The following MAML2 variants were observed in gnomAD, a reference collection of about 807,000 sequenced individuals.
The protein encoded by MAML2 is mastermind like transcriptional coactivator 2, also known as mastermind-like protein 2.
MAML2 carries 22 observed loss-of-function variants against 96.1 expected under a neutral mutation model. That is an observed-to-expected ratio of 0.23 (90% CI 0.16 to 0.33). MAML2 has a LOEUF of 0.33. Ranked by LOEUF, MAML2 falls within the 10% of genes least tolerant of loss-of-function variation. The pLI is 1.00. For missense variants in MAML2, 1,367 were observed against 1,392.4 expected (o/e 0.98, Z 0.29); for synonymous variants, 561 against 521.3 (o/e 1.08, Z -1.04).
intron 1 of MAML2, among the ~76,000 whole-genome samples, chr11:96,111,416 T>C (rs1860122131): frequency 6.6e-6 from 1 of 152,214 alleles, no homozygotes; most frequent in African/African-American, 2.4e-5. Context: ...GCAGCTGGTC[T>C]GTGTGCATGT....
chr11:96,117,561 A>T (rs920428298), intron 1 of MAML2, among the ~76,000 whole-genome samples: 12 of 152,136 alleles, frequency 7.9e-5, no homozygotes, highest in African/African-American at 2.4e-4. Context: ...TGGCCTCCCA[A>T]AGTGCTGGGA....
chr11:96,320,067 C>A (rs1863680818), intron 1 of MAML2, among the ~76,000 whole-genome samples: 1 of 152,122 alleles, frequency 6.6e-6, no homozygotes, highest in South Asian at 2.1e-4. Flanking sequence ...GCCATGCTGG[C>A]CAGAAAGATA....
At chr11:96,160,725 A>G (rs1297054635) in intron 1 of MAML2, among the ~76,000 whole-genome samples, 3 of 152,156 alleles carry the variant, frequency 2.0e-5, no homozygotes, top group Non-Finnish European at 2.9e-5. Flanking sequence ...ACTGAGCCCA[A>G]CCCAGTTTTC....
chr11:96,200,031 G>A (rs890527045), intron 1 of MAML2, among the ~76,000 whole-genome samples: 13 of 152,168 alleles, frequency 8.5e-5, no homozygotes, highest in African/African-American at 3.1e-4. Flanking sequence ...GTGATAAGGA[G>A]GGGGAGGGTG....
At chr11:96,004,093 CT>C (rs1340841457) in intron 2 of MAML2, among the ~76,000 whole-genome samples, 5 of 152,108 alleles carry the variant, frequency 3.3e-5, no homozygotes, top group African/African-American at 1.2e-4. Flanking sequence ...TATATCAAGC[CT>C]ATACTTTCTC....
chr11:96,135,121 G>C (rs1860607750), intron 1 of MAML2, among the ~76,000 whole-genome samples: 1 of 152,234 alleles, frequency 6.6e-6, no homozygotes, highest in Non-Finnish European at 1.5e-5. Flanking sequence ...CAGTCCTCAT[G>C]AATGAGTTAA....
At chr11:96,322,680 C>T (rs1394884603) in intron 1 of MAML2, among the ~76,000 whole-genome samples, 1 of 151,924 alleles carries the variant, frequency 6.6e-6, no homozygotes, top group Non-Finnish European at 1.5e-5. Flanking sequence ...GGCCACGGAG[C>T]GAGACTCCGT....
At chr11:96,214,070 T>A (rs1352105436) in intron 1 of MAML2, among the ~76,000 whole-genome samples, 1 of 152,232 alleles carries the variant, frequency 6.6e-6, no homozygotes, top group African/African-American at 2.4e-5. Context: ...ATATTTTGTA[T>A]GTATATATAC....
At chr11:96,299,060 A>AAAATATATAT (rs55878534) in intron 1 of MAML2, among the ~76,000 whole-genome samples, 2 of 56,340 alleles carry the variant, frequency 3.5e-5, no homozygotes, top group Non-Finnish European at 6.0e-5. Flanking sequence ...AAAAAAAAAA[A>AAAATATATAT]ATATATATAT....
intron 1 of MAML2, among the ~76,000 whole-genome samples, chr11:96,314,054 G>C (rs1863592932): frequency 6.6e-6 from 1 of 152,192 alleles, no homozygotes; most frequent in African/African-American, 2.4e-5. Flanking sequence ...TAGGGTCTTT[G>C]GGAGAGGGCA....
intron 1 of MAML2, among the ~76,000 whole-genome samples, chr11:96,247,760 T>C (rs951838043): frequency 1.3e-5 from 2 of 152,120 alleles, no homozygotes; most frequent in African/African-American, 4.8e-5. Context: ...CCTTTTCCTC[T>C]CTCTTCTAAA....
At chr11:96,023,175 C>A (rs1858462542) in intron 2 of MAML2, among the ~76,000 whole-genome samples, 1 of 152,184 alleles carries the variant, frequency 6.6e-6, no homozygotes, top group South Asian at 2.1e-4. Flanking sequence ...CACTATGCTA[C>A]TGACAGAAAA....
chr11:96,125,315 CTG>C (rs1450116181), intron 1 of MAML2, among the ~76,000 whole-genome samples: 1 of 152,148 alleles, frequency 6.6e-6, no homozygotes, highest in Non-Finnish European at 1.5e-5. Flanking sequence ...CTGAGCCACA[CTG>C]TGCAGAGATG....
chr11:96,140,078 T>C (rs1308327133), intron 1 of MAML2, among the ~76,000 whole-genome samples: 1 of 152,274 alleles, frequency 6.6e-6, no homozygotes, highest in African/African-American at 2.4e-5. Flanking sequence ...ACTTTCTTTA[T>C]GTGGTTAATT....
rs534436877 is a variant in MAML2, at chr11:96,038,328, C to T, written c.2140-46605G>A. Among the ~76,000 whole-genome samples, 3 of 152,224 alleles carry T rather than the reference C, an allele frequency of 2.0e-5. No homozygotes were observed. In the South Asian group the frequency reaches 6.2e-4, roughly 32 times the overall value. ...TCATCGTTCCTTATACTCATTTAAC[C>T]ACAGAACCATTTTGGTGTATGTGGT... On this transcript the variant is annotated intron_variant, in intron 2 of 4. Coordinates refer to ENST00000524717, the MANE Select transcript of MAML2 (RefSeq NM_032427.4).
At chr11:96,240,419 G>A (rs921177937) in intron 1 of MAML2, among the ~76,000 whole-genome samples, 3 of 151,202 alleles carry the variant, frequency 2.0e-5, no homozygotes, top group East Asian at 1.9e-4. Flanking sequence ...GCGCGGTGGC[G>A]GGCGCCTGTA....
chr11:96,243,142 C>CAA (rs1305269787), intron 1 of MAML2, among the ~76,000 whole-genome samples: 2 of 151,932 alleles, frequency 1.3e-5, no homozygotes, highest in Non-Finnish European at 2.9e-5. Flanking sequence ...TACACACACA[C>CAA]ACACTTGTTC....
intron 1 of MAML2, among the ~76,000 whole-genome samples, chr11:96,308,978 C>T (rs1223269058): frequency 6.6e-6 from 1 of 152,080 alleles, no homozygotes; most frequent in Non-Finnish European, 1.5e-5. Flanking sequence ...GCAGCATAAA[C>T]AAATAATTCA....
chr11:96,321,082 A>T (rs1332405203), intron 1 of MAML2, among the ~76,000 whole-genome samples: 5 of 152,236 alleles, frequency 3.3e-5, no homozygotes, highest in African/African-American at 1.2e-4. Context: ...GAGGGTTTCC[A>T]GGCCAAGGTA....
Sources: allele counts gnomAD v4.1 joint callset (sites outside exome capture counted in the v4.1 genomes callset), GRCh38; gene constraint gnomAD v4.1.1; transcripts MANE v1.5; gene names NCBI Gene and HGNC (gene_info 2026-07-23, HGNC 2026-07-21).